LRRC49: variants seen among roughly 807,000 people sequenced by gnomAD.
The protein encoded by LRRC49 is leucine rich repeat containing 49, also known as leucine-rich repeat-containing protein 49.
A neutral mutation model predicts 83.3 loss-of-function variants in LRRC49; 50 were observed. The ratio of observed to expected loss-of-function variants is 0.60; its 90% CI spans 0.48 to 0.76. The LOEUF is 0.76. Among genes scored for constraint, LRRC49 ranks in the 30% least tolerant of loss-of-function variants. LRRC49 has a pLI of 0.00. For missense variants in LRRC49, 704 were observed against 809.1 expected (o/e 0.87, Z 1.58); for synonymous variants, 286 against 283.3 (o/e 1.01, Z -0.10).
upstream of LRRC49, among the ~76,000 whole-genome samples, chr15:70,887,686 T>G (rs1301836163): frequency 6.6e-6 from 1 of 152,140 alleles, no homozygotes; most frequent in Non-Finnish European, 1.5e-5. Flanking sequence ...AAATTAGGAA[T>G]GAGAAAAGGA....
At chr15:70,942,471 A>G (rs957494988) in intron 8 of LRRC49, among the ~76,000 whole-genome samples, 1 of 152,244 alleles carries the variant, frequency 6.6e-6, no homozygotes, top group Admixed American at 6.5e-5. Context: ...AAGTATAAGT[A>G]TATTAAATTC....
intron 1 of LRRC49, chr15:70,854,239 G>A: frequency 4.4e-6 from 1 of 228,496 alleles, no homozygotes; most frequent in Non-Finnish European, 7.2e-6. Context: ...CCCGCCCCGC[G>A]CCGCCGCCGC....
At position 70,901,042 on chromosome 15, in the gene LRRC49, T is replaced by G; in HGVS notation, c.296+18T>G. The G allele has an allele frequency of 6.6e-7, 1 of 1,507,750 alleles. No homozygotes were observed. The highest frequency in any genetic ancestry group is 9.1e-7 in the Non-Finnish European group (1 of 1,097,348). The allele number at this position is 1,507,750 out of a possible 1,614,324, so 93.4% of individuals were successfully genotyped here. ...CTAGAAAGGTGAGGACAATTTCTTTTCTTTTCTTTTTTTTGACTAGGTAAT... is the reference window on the plus strand; with the variant it reads ...CTAGAAAGGTGAGGACAATTTCTTTGCTTTTCTTTTTTTTGACTAGGTAAT... On this transcript the variant is annotated intron_variant, in intron 4 of 15. Coordinates refer to ENST00000260382, the MANE Select transcript of LRRC49 (RefSeq NM_017691.5).
intron 2 of LRRC49, among the ~76,000 whole-genome samples, chr15:70,880,244 C>G (rs919433199): frequency 6.6e-6 from 1 of 152,166 alleles, no homozygotes; most frequent in Non-Finnish European, 1.5e-5. Flanking sequence ...CAAACCTCTC[C>G]CCCCACCTCA....
intron 7 of LRRC49, among the ~76,000 whole-genome samples, chr15:70,927,815 T>C (rs2035259901): frequency 6.6e-6 from 1 of 152,030 alleles, no homozygotes; most frequent in African/African-American, 2.4e-5. Context: ...ACCTGGCTAA[T>C]TTTTTTATTT....
Position 70,919,139 on chromosome 15 carries a change from T to A in LRRC49, c.657T>A (p.Asn219Lys), listed in dbSNP as rs762914960. 2 of 1,613,004 alleles carry A rather than the reference T, an allele frequency of 1.2e-6. No individual in the cohort carries two copies. The highest frequency in any genetic ancestry group is 1.7e-6 in the Non-Finnish European group (2 of 1,179,438). The change falls in exon 7 of 16, where the codon AAT becomes AAA. Residue 219 changes from asparagine to lysine, a missense_variant. This residue lies in a region of LRRC49 where 261 missense variants were observed against 330.5 expected (regional missense o/e 0.79). Coordinates refer to ENST00000260382, the MANE Select transcript of LRRC49 (RefSeq NM_017691.5). Reference sequence around the variant, plus strand: ...TTTTAAGTCATGTTGATAATCTTAATGGGCTGGATTCACTAACTGAACTTA... The same window carrying A: ...TTTTAAGTCATGTTGATAATCTTAAAGGGCTGGATTCACTAACTGAACTTA... The part of the protein sequence containing the change: ...RNFLSHVDNL[N>K]GLDSLTELNL...
At chr15:70,910,194 G>A (rs1178830041) in intron 5 of LRRC49, among the ~76,000 whole-genome samples, 1 of 152,094 alleles carries the variant, frequency 6.6e-6, no homozygotes, top group African/African-American at 2.4e-5. Context: ...GATGATACAT[G>A]GTGGGCATAT....
chr15:70,913,735 A>G (rs1370826808), intron 6 of LRRC49, among the ~76,000 whole-genome samples: 1 of 151,820 alleles, frequency 6.6e-6, no homozygotes, highest in Non-Finnish European at 1.5e-5. Flanking sequence ...GAAACATTTT[A>G]TGATAGCAGT....
chr15:70,972,330 G>A (rs533294332), intron 9 of LRRC49, among the ~76,000 whole-genome samples: 1 of 152,332 alleles, frequency 6.6e-6, no homozygotes, highest in South Asian at 2.1e-4. Context: ...CTTCTGGCTT[G>A]TAGGGTTTCT....
At chr15:70,902,943 A>G (rs528026348) in intron 4 of LRRC49, among the ~76,000 whole-genome samples, 1 of 152,324 alleles carries the variant, frequency 6.6e-6, no homozygotes, top group East Asian at 1.9e-4. Context: ...GGGGTTAAGC[A>G]GTATACAAGT....
chr15:71,007,525 C>A (rs2038498136), intron 11 of LRRC49, among the ~76,000 whole-genome samples: 1 of 151,648 alleles, frequency 6.6e-6, no homozygotes, highest in South Asian at 2.1e-4. Context: ...AAAAACCATG[C>A]TTTGTTTAAG....
At chr15:70,863,733 C>G (rs903216381) in intron 1 of LRRC49, among the ~76,000 whole-genome samples, 1 of 152,204 alleles carries the variant, frequency 6.6e-6, no homozygotes, top group African/African-American at 2.4e-5. Context: ...GGCCAAGGCC[C>G]TGCTACCCAA....
chr15:70,873,033 C>T (rs553029156), exon 2 of LRRC49: 64 of 611,894 alleles, frequency 1.0e-4, no homozygotes, highest in South Asian at 6.9e-4. Context: ...TATAGGTGCC[C>T]GCCACCATGC....
chr15:70,925,781 TTAAATC>T (rs2035173247), intron 7 of LRRC49, among the ~76,000 whole-genome samples: 4 of 152,282 alleles, frequency 2.6e-5, no homozygotes, highest in African/African-American at 9.6e-5. Context: ...ATTGAGAAGT[TTAAATC>T]TAAATATGAA....
At chr15:71,003,453 G>A (rs1206858108) in intron 11 of LRRC49, among the ~76,000 whole-genome samples, 2 of 152,188 alleles carry the variant, frequency 1.3e-5, no homozygotes, top group Non-Finnish European at 2.9e-5. Context: ...CTTTCTTAGA[G>A]TACAGATTTA....
intron 6 of LRRC49, among the ~76,000 whole-genome samples, chr15:70,913,537 A>T (rs993178312): frequency 2.0e-5 from 3 of 152,212 alleles, no homozygotes; most frequent in African/African-American, 4.8e-5. Flanking sequence ...AGAATATCAT[A>T]TGCAAAGGCA....
Position 70,873,322 on chromosome 15 carries a change from A to G in LRRC49, c.18+99A>G, listed in dbSNP as rs943616542. On this transcript the variant is annotated intron_variant, in intron 2 of 16. Coordinates refer to the LRRC49 transcript ENST00000544974. Reference sequence around the variant, plus strand: ...ATCATATACGGTCAAAATACTAACTAAAGCTATTATACAAGAATGAAAAAC... The same window carrying G: ...ATCATATACGGTCAAAATACTAACTGAAGCTATTATACAAGAATGAAAAAC... The G allele has an allele frequency of 4.7e-6, 6 of 1,280,158 alleles. No homozygotes were observed. In the African/African-American group the frequency reaches 5.9e-5, roughly 13 times the overall value. 79.3% of individuals were successfully genotyped at this position (1,280,158 alleles called of 1,614,324 possible).
At chr15:71,038,077 G>A (rs2039580258) in intron 15 of LRRC49, among the ~76,000 whole-genome samples, 1 of 152,080 alleles carries the variant, frequency 6.6e-6, no homozygotes. Flanking sequence ...ACAAGAAAGA[G>A]AAAACACATT....
chr15:71,039,197 G>A (rs1341110513), intron 15 of LRRC49, among the ~76,000 whole-genome samples: 1 of 152,110 alleles, frequency 6.6e-6, no homozygotes, highest in Non-Finnish European at 1.5e-5. Flanking sequence ...ACTATAAGCA[G>A]GTCATTGTTG....
Sources: gnomAD v4.1 joint callset for allele counts (sites outside exome capture counted in the v4.1 genomes callset) on GRCh38, gnomAD v4.1.1 for gene constraint, gnomAD v4.1.1 regional missense constraint, MANE v1.5 for transcripts, NCBI Gene and HGNC (gene_info 2026-07-23, HGNC 2026-07-21) for gene names.